CSNK2A2IP: variants seen among roughly 807,000 people sequenced by gnomAD.
CSNK2A2IP encodes casein kinase II subunit alpha'-interacting protein.
the CSNK2A2IP span, chr3:88,466,583 A>G: frequency 1.6e-6 from 2 of 1,231,584 alleles, no homozygotes; most frequent in Non-Finnish European, 2.0e-6. Context: ...TCAAATAAAG[A>G]AATTCCTTGG....
At chr3:88,381,774 T>C in the CSNK2A2IP span, among the ~76,000 whole-genome samples, 262 of 152,268 alleles carry the variant, frequency 1.7e-3, 1 homozygote, top group Middle Eastern at 6.8e-3. Flanking sequence ...TCCTATAAGA[T>C]TGGTTTCAGA....
the CSNK2A2IP span, among the ~76,000 whole-genome samples, chr3:88,456,610 T>C: frequency 6.6e-6 from 1 of 151,998 alleles, no homozygotes; most frequent in Non-Finnish European, 1.5e-5. Context: ...TAGGGTTTTC[T>C]ATGTATGATT....
At chr3:88,377,978 C>T in the CSNK2A2IP span, among the ~76,000 whole-genome samples, 1 of 151,804 alleles carries the variant, frequency 6.6e-6, no homozygotes, top group Non-Finnish European at 1.5e-5. Context: ...TATGATTTTT[C>T]ATTTTTCACA....
the CSNK2A2IP span, among the ~76,000 whole-genome samples, chr3:88,362,332 A>T: frequency 4.6e-5 from 7 of 152,290 alleles, 2 homozygotes; most frequent in Admixed American, 4.6e-4. Context: ...GAGTGATCTA[A>T]ACCCAGCAAT....
the CSNK2A2IP span, chr3:88,338,473 T>C: frequency 0.44 from 66,632 of 151,916 alleles, 15,874 homozygotes; most frequent in South Asian, 0.62. Context: ...ACACCCTCAT[T>C]TTCCAGCAGT....
At chr3:88,399,008 T>A in the CSNK2A2IP span, among the ~76,000 whole-genome samples, 4 of 152,072 alleles carry the variant, frequency 2.6e-5, no homozygotes, top group African/African-American at 9.7e-5. Context: ...GATACAAAGA[T>A]GAATCAGATG....
chr3:88,368,180 A>C, the CSNK2A2IP span, among the ~76,000 whole-genome samples: 1 of 152,008 alleles, frequency 6.6e-6, no homozygotes, highest in Non-Finnish European at 1.5e-5. Context: ...GATGTCTTTC[A>C]GTTAATAATC....
chr3:88,399,667 C>T, the CSNK2A2IP span: 1 of 152,162 alleles, frequency 6.6e-6, no homozygotes, highest in Admixed American at 6.5e-5. Flanking sequence ...CCTACTTCTT[C>T]CTCCGCAAAC....
chr3:88,461,117 A>T, the CSNK2A2IP span, among the ~76,000 whole-genome samples: 2 of 152,068 alleles, frequency 1.3e-5, no homozygotes, highest in Non-Finnish European at 2.9e-5. Context: ...ATTATTTTGT[A>T]GTTGTATCGT....
chr3:88,385,461 T>C, the CSNK2A2IP span, among the ~76,000 whole-genome samples: 1 of 152,150 alleles, frequency 6.6e-6, no homozygotes, highest in Non-Finnish European at 1.5e-5. Context: ...AGAAGAGTAG[T>C]TGGAGTAAGT....
the CSNK2A2IP span, among the ~76,000 whole-genome samples, chr3:88,414,270 GTTTTTTTTTTTTTT>G: frequency 6.2e-5 from 4 of 64,106 alleles, no homozygotes; most frequent in Non-Finnish European, 1.0e-4. Flanking sequence ...TACCAACAAA[GTTTTTTTTTTTTTT>G]TTTTTTTTTT....
the CSNK2A2IP span, among the ~76,000 whole-genome samples, chr3:88,437,379 A>G: frequency 3.3e-5 from 5 of 152,214 alleles, no homozygotes; most frequent in Admixed American, 3.3e-4. Flanking sequence ...TTTGTGGCAG[A>G]TGTTTCAGAA....
the CSNK2A2IP span, among the ~76,000 whole-genome samples, chr3:88,409,993 T>C: frequency 6.6e-6 from 1 of 152,078 alleles, no homozygotes; most frequent in African/African-American, 2.4e-5. Flanking sequence ...TTAGGATCAT[T>C]GTGTGTTACA....
At chr3:88,345,604 C>T in the CSNK2A2IP span, among the ~76,000 whole-genome samples, 3 of 151,780 alleles carry the variant, frequency 2.0e-5, no homozygotes, top group African/African-American at 7.3e-5. Context: ...GTGATTAGGC[C>T]TCTTTGATGT....
At chr3:88,352,392 A>C in the CSNK2A2IP span, among the ~76,000 whole-genome samples, 1 of 152,130 alleles carries the variant, frequency 6.6e-6, no homozygotes, top group South Asian at 2.1e-4. Flanking sequence ...TTGAGGTGTC[A>C]TTTTGGGAAA....
At chr3:88,395,902 C>T in the CSNK2A2IP span, among the ~76,000 whole-genome samples, 2 of 152,164 alleles carry the variant, frequency 1.3e-5, no homozygotes, top group South Asian at 4.1e-4. Flanking sequence ...TCATTTATTA[C>T]AATTAATTAC....
the CSNK2A2IP span, among the ~76,000 whole-genome samples, chr3:88,370,610 C>CTCTT: frequency 7.9e-3 from 1,177 of 148,122 alleles, 16 homozygotes; most frequent in East Asian, 0.037. Flanking sequence ...CTCTCTCTCT[C>CTCTT]TCTTTCTTTC....
At chr3:88,354,576 G>T in the CSNK2A2IP span, among the ~76,000 whole-genome samples, 2 of 152,176 alleles carry the variant, frequency 1.3e-5, no homozygotes, top group Non-Finnish European at 2.9e-5. Context: ...GAGTGGTGAT[G>T]AGTGAAGCTG....
At chr3:88,440,609 A>T in the CSNK2A2IP span, among the ~76,000 whole-genome samples, 1 of 152,224 alleles carries the variant, frequency 6.6e-6, no homozygotes, top group Non-Finnish European at 1.5e-5. Context: ...ATCAACTTTA[A>T]GAGTACTAGA....
Sources: allele counts gnomAD v4.1 joint callset (sites outside exome capture counted in the v4.1 genomes callset), GRCh38; gene constraint gnomAD v4.1.1; transcripts MANE v1.5; gene names NCBI Gene and HGNC (gene_info 2026-07-23, HGNC 2026-07-21).